Variants in RBFOX3 observed in about 807,000 individuals in gnomAD.
RBFOX3 encodes RNA binding fox-1 homolog 3.
In RBFOX3, 17 loss-of-function variants were observed where a neutral mutation model predicts 48.7. That is an observed-to-expected ratio of 0.35 (90% CI 0.24 to 0.52). The LOEUF (loss-of-function observed/expected upper bound fraction) is 0.52, where lower values mean the gene tolerates loss of function less well. RBFOX3 is among the 20% of genes least tolerant of loss of function. RBFOX3 has a pLI of 0.94. For synonymous variants in RBFOX3, 212 were observed against 209.5 expected (o/e 1.01, Z -0.10); for missense variants, 382 against 497.5 (o/e 0.77, Z 2.21).
chr17:79,362,309 G>A lies in RBFOX3; in HGVS notation c.-174-54485C>T, dbSNP rs983352874. On this transcript the variant is annotated intron_variant, in intron 2 of 14. Transcript: ENST00000693108. This position sits in a 1 kb window ranked among gnomAD's most constrained non-coding sequence, Gnocchi z 4.2. ...TGCGTTTCTCTGAAGCCAGAATCCC[G>A]GCCCTTCAGGGCTTGGCTGAGATCC... Among the ~76,000 whole-genome samples the A allele has an allele frequency of 1.3e-5, 2 of 152,208 alleles. No homozygotes were observed. Among genetic ancestry groups the A allele is most frequent in the African/African-American group, 2.4e-5 (1 of 41,454 alleles).
At chr17:79,163,600 C>T (rs1421600764) in intron 4 of RBFOX3, among the ~76,000 whole-genome samples, 4 of 152,236 alleles carry the variant, frequency 2.6e-5, no homozygotes, top group Admixed American at 6.5e-5. Context: ...TTGTTGCCAC[C>T]TGGACCAGAC....
At chr17:79,266,952 T>G (rs1347514044) in intron 3 of RBFOX3, among the ~76,000 whole-genome samples, 1 of 152,160 alleles carries the variant, frequency 6.6e-6, no homozygotes, top group Non-Finnish European at 1.5e-5. Flanking sequence ...CATGCCACTT[T>G]CTTGAGTTCT....
chr17:79,417,941 C>T (rs564027798), intron 2 of RBFOX3, among the ~76,000 whole-genome samples: 1 of 152,334 alleles, frequency 6.6e-6, no homozygotes, highest in Non-Finnish European at 1.5e-5. Flanking sequence ...GGGGACATGA[C>T]GCTGAGTGAA....
chr17:79,529,658 G>C (rs1356459244), intron 1 of RBFOX3, among the ~76,000 whole-genome samples: 1 of 152,198 alleles, frequency 6.6e-6, no homozygotes, highest in African/African-American at 2.4e-5. Context: ...GGCAGAGGGA[G>C]AACTGGTACC....
intron 2 of RBFOX3, among the ~76,000 whole-genome samples, chr17:79,382,371 C>T (rs1190488062): frequency 6.6e-6 from 1 of 152,236 alleles, no homozygotes; most frequent in Admixed American, 6.5e-5. Context: ...TCCTTGTGTC[C>T]CACCAACTGC....
the RBFOX3 span, among the ~76,000 whole-genome samples, chr17:79,658,501 C>G: frequency 6.6e-6 from 1 of 151,432 alleles, no homozygotes; most frequent in East Asian, 1.9e-4. Flanking sequence ...TGCATGTGCA[C>G]TCCATCACAC....
At chr17:79,389,099 C>T (rs904852287) in intron 2 of RBFOX3, among the ~76,000 whole-genome samples, 9 of 151,976 alleles carry the variant, frequency 5.9e-5, no homozygotes, top group Non-Finnish European at 5.9e-5. Flanking sequence ...GCGGTGGGCG[C>T]GGGGGGGCGG....
At chr17:79,116,589 G>A (rs2147032996) in intron 4 of RBFOX3, among the ~76,000 whole-genome samples, 1 of 152,376 alleles carries the variant, frequency 6.6e-6, no homozygotes, top group East Asian at 1.9e-4. Flanking sequence ...CCCGCACCTG[G>A]ATCCCTGGAA....
Position 79,199,939 on chromosome 17 carries a change from T to C in RBFOX3, c.-34+35827A>G, listed in dbSNP as rs1005114352. Among the ~76,000 whole-genome samples the C allele has an allele frequency of 1.3e-5, 2 of 152,100 alleles. No homozygotes were observed. The highest frequency in any genetic ancestry group is 2.9e-5 in the Non-Finnish European group (2 of 68,020). On this transcript the variant is annotated intron_variant, in intron 4 of 14. Coordinates refer to ENST00000693108, the MANE Select transcript of RBFOX3 (RefSeq NM_001350451.2). The surrounding 1 kb of genome is among the most constrained non-coding windows in gnomAD (Gnocchi z 5.1). Reference sequence around the variant, plus strand: ...ACTTTGGGAGGCCGAGGTGGGTGGATCACCTGAAGTCAGGAGTTCAAGACC... The same window carrying C: ...ACTTTGGGAGGCCGAGGTGGGTGGACCACCTGAAGTCAGGAGTTCAAGACC...
chr17:79,572,865 ATTCCC>A (rs2092727434), intron 1 of RBFOX3, among the ~76,000 whole-genome samples: 1 of 152,042 alleles, frequency 6.6e-6, no homozygotes, highest in African/African-American at 2.4e-5. Context: ...TGCCTTCCGG[ATTCCC>A]CACCCACCCT....
At chr17:79,160,256 G>A (rs956849570) in intron 4 of RBFOX3, among the ~76,000 whole-genome samples, 2 of 151,014 alleles carry the variant, frequency 1.3e-5, no homozygotes, top group Admixed American at 6.5e-5. Context: ...CAGGGCTGAC[G>A]CCTAGGACCC....
intron 2 of RBFOX3, among the ~76,000 whole-genome samples, chr17:79,322,563 C>T (rs1475429936): frequency 1.2e-4 from 18 of 152,176 alleles, no homozygotes; most frequent in Admixed American, 1.1e-3. Flanking sequence ...GAAGATGGAA[C>T]ATGTGTCACG....
intron 1 of RBFOX3, among the ~76,000 whole-genome samples, chr17:79,602,554 C>T (rs1189858167): frequency 6.6e-6 from 1 of 152,320 alleles, no homozygotes; most frequent in Middle Eastern, 3.4e-3. Flanking sequence ...AGCAACCCCT[C>T]GGGTCTCTAG....
Position 79,199,202 on chromosome 17 carries a change from G to A in RBFOX3, c.-34+36564C>T, listed in dbSNP as rs1486748615. Reference sequence around the variant, plus strand: ...AGGCAGACTCTGGCTGGCTCACTCTGCCTTCTGAGAATGTAAAGGGCCTTT... The same window carrying A: ...AGGCAGACTCTGGCTGGCTCACTCTACCTTCTGAGAATGTAAAGGGCCTTT... On this transcript the variant is annotated intron_variant, in intron 4 of 14. Transcript: ENST00000693108. The surrounding 1 kb of genome is among the most constrained non-coding windows in gnomAD (Gnocchi z 5.1). 2.6e-5 allele frequency among the ~76,000 whole-genome samples: 4 copies of A among 152,114 alleles called. No homozygotes were observed. Among genetic ancestry groups the A allele is most frequent in the Non-Finnish European group, 5.9e-5 (4 of 68,016 alleles).
intron 14 of RBFOX3, among the ~76,000 whole-genome samples, chr17:79,093,571 G>T (rs1039949376): frequency 6.6e-6 from 1 of 151,738 alleles, no homozygotes; most frequent in Non-Finnish European, 1.5e-5. Context: ...AAAATTGGAG[G>T]GAGTCATCAA....
chr17:79,096,626 C>T (rs1339003402), intron 12 of RBFOX3, 27 bp downstream of exon 12: 2 of 1,485,670 alleles, frequency 1.3e-6, no homozygotes, highest in Admixed American at 2.0e-5. Flanking sequence ...CTGATCCCAC[C>T]CTCCCTCCCG....
intron 3 of RBFOX3, among the ~76,000 whole-genome samples, chr17:79,301,338 G>A (rs543991906): frequency 1.2e-4 from 19 of 152,350 alleles, no homozygotes; most frequent in South Asian, 8.3e-4. Flanking sequence ...TGGGGTGAGC[G>A]GCTAATAGAA....
intron 4 of RBFOX3, among the ~76,000 whole-genome samples, chr17:79,120,651 T>C (rs1202677057): frequency 7.7e-6 from 1 of 130,244 alleles, no homozygotes; most frequent in Non-Finnish European, 1.6e-5. Flanking sequence ...GGTGGGTGTG[T>C]GGATGCACGG....
At chr17:79,124,982 G>T (rs1425408059) in intron 4 of RBFOX3, among the ~76,000 whole-genome samples, 1 of 152,080 alleles carries the variant, frequency 6.6e-6, no homozygotes. Flanking sequence ...TCCTCCACGC[G>T]CTCCTCCGGG....
Sources: gnomAD v4.1 joint callset for allele counts (sites outside exome capture counted in the v4.1 genomes callset) on GRCh38, gnomAD v4.1.1 for gene constraint, Gnocchi (gnomAD v3.1) non-coding constraint, MANE v1.5 for transcripts, NCBI Gene and HGNC (gene_info 2026-07-23, HGNC 2026-07-21) for gene names.